Variants in C3orf49 observed in about 807,000 individuals in gnomAD.
C3orf49 encodes chromosome 3 open reading frame 49, also known as putative uncharacterized protein C3orf49.
In C3orf49, 27 loss-of-function variants were observed where a neutral mutation model predicts 13.3. The ratio of observed to expected loss-of-function variants is 2.02; its 90% CI spans 1.49 to 2.79. The LOEUF is 2.79. Among genes scored for constraint, C3orf49 ranks in the 30% most tolerant of loss-of-function variants. The pLI is 0.00. For missense variants in C3orf49, 242 were observed against 134.2 expected, an observed-to-expected ratio of 1.80 and a Z score of -3.97; for synonymous variants, 87 against 47.6, an observed-to-expected ratio of 1.83 and a Z score of -3.40.
At chr3:63,819,096 TTTG>T (rs142440061), upstream of C3orf49, among the ~76,000 whole-genome samples, 159 of 152,176 alleles carry the variant, frequency 1.0e-3, 1 homozygote, top group Middle Eastern at 0.01. Flanking sequence ...GTGGGTGTTT[TTTG>T]TTGTTGTTGT....
At chr3:63,794,424 A>G in the C3orf49 span, among the ~76,000 whole-genome samples, 1 of 152,106 alleles carries the variant, frequency 6.6e-6, no homozygotes, top group African/African-American at 2.4e-5. Flanking sequence ...AGAGCATGCT[A>G]TAATATTTCT....
chr3:63,800,489 A>T, the C3orf49 span, among the ~76,000 whole-genome samples: 231 of 152,174 alleles, frequency 1.5e-3, no homozygotes, highest in African/African-American at 5.2e-3. Context: ...AATAATAATA[A>T]TATACCATTT....
At chr3:63,834,724 T>C (rs1020916051) in intron 5 of C3orf49, among the ~76,000 whole-genome samples, 3 of 151,284 alleles carry the variant, frequency 2.0e-5, no homozygotes, top group Non-Finnish European at 4.4e-5. Flanking sequence ...GAAGATCAGG[T>C]AACACAAAAA....
chr3:63,797,270 ATG>A, the C3orf49 span, among the ~76,000 whole-genome samples: 2 of 151,800 alleles, frequency 1.3e-5, no homozygotes, highest in African/African-American at 4.8e-5. Flanking sequence ...GTCTAGGGGT[ATG>A]TGTGTGTATG....
intron 5 of C3orf49, chr3:63,836,316 C>T (rs1363347668): frequency 6.2e-7 from 1 of 1,612,642 alleles, no homozygotes; most frequent in Non-Finnish European, 8.5e-7. Context: ...TGTCTCATGC[C>T]TGTCTGGATG....
the C3orf49 span, among the ~76,000 whole-genome samples, chr3:63,803,039 C>T: frequency 1.3e-5 from 2 of 152,110 alleles, no homozygotes; most frequent in African/African-American, 4.8e-5. Flanking sequence ...AAGCTGGAAG[C>T]AAATTTAAGT....
the C3orf49 span, among the ~76,000 whole-genome samples, chr3:63,784,351 G>A: frequency 6.6e-6 from 1 of 151,986 alleles, no homozygotes; most frequent in African/African-American, 2.4e-5. Flanking sequence ...AGATACACCA[G>A]GCCAAAAAGA....
the C3orf49 span, among the ~76,000 whole-genome samples, chr3:63,787,959 T>A: frequency 6.6e-6 from 1 of 152,222 alleles, no homozygotes; most frequent in Non-Finnish European, 1.5e-5. Context: ...TCATGACTAT[T>A]TGCTTTTAGA....
chr3:63,845,117 A>T (rs1334429580), intron 6 of C3orf49, 35 bp downstream of exon 6: 1 of 681,854 alleles, frequency 1.5e-6, no homozygotes, highest in African/African-American at 1.8e-5. Flanking sequence ...GGTGGGGGGT[A>T]CTATCTCCTT....
At chr3:63,799,513 A>G in the C3orf49 span, among the ~76,000 whole-genome samples, 1 of 152,156 alleles carries the variant, frequency 6.6e-6, no homozygotes, top group Non-Finnish European at 1.5e-5. Context: ...AATGAAAGAC[A>G]CAATATTATT....
the C3orf49 span, among the ~76,000 whole-genome samples, chr3:63,805,723 C>T: frequency 6.6e-6 from 1 of 152,214 alleles, no homozygotes; most frequent in African/African-American, 2.4e-5. Flanking sequence ...CCTGCCTGAC[C>T]TTTGACCTGG....
the C3orf49 span, among the ~76,000 whole-genome samples, chr3:63,788,868 G>GT: frequency 6.6e-6 from 1 of 152,128 alleles, no homozygotes; most frequent in African/African-American, 2.4e-5. Context: ...GATATACTAT[G>GT]TCTAGTTCGG....
At chr3:63,826,142 T>C (rs1180382519) in intron 2 of C3orf49, among the ~76,000 whole-genome samples, 2 of 152,210 alleles carry the variant, frequency 1.3e-5, no homozygotes, top group Non-Finnish European at 2.9e-5. Flanking sequence ...GTGTCTGTCA[T>C]AGGACACATT....
At chr3:63,821,506 A>T (rs1701393568) in intron 1 of C3orf49, among the ~76,000 whole-genome samples, 1 of 152,188 alleles carries the variant, frequency 6.6e-6, no homozygotes, top group Non-Finnish European at 1.5e-5. Context: ...ATAAATGTTT[A>T]TAGCAGCTTT....
At chr3:63,834,797 C>T (rs1701595275) in intron 5 of C3orf49, among the ~76,000 whole-genome samples, 1 of 152,132 alleles carries the variant, frequency 6.6e-6, no homozygotes, top group Non-Finnish European at 1.5e-5. Flanking sequence ...ACCCACTACT[C>T]AGTGGGTATG....
the C3orf49 span, among the ~76,000 whole-genome samples, chr3:63,793,371 G>C: frequency 6.6e-6 from 1 of 151,952 alleles, no homozygotes; most frequent in Non-Finnish European, 1.5e-5. Flanking sequence ...CTTTCAATAT[G>C]TCCTCAAAAA....
the C3orf49 span, among the ~76,000 whole-genome samples, chr3:63,807,684 C>T: frequency 2.0e-5 from 3 of 151,728 alleles, no homozygotes; most frequent in South Asian, 2.1e-4. Context: ...TGGTGAAACC[C>T]TGTCTCTACT....
chr3:63,824,019 T>C (rs1469608648), intron 2 of C3orf49, among the ~76,000 whole-genome samples: 2 of 152,114 alleles, frequency 1.3e-5, no homozygotes, highest in Non-Finnish European at 2.9e-5. Flanking sequence ...CAGGCTGGTC[T>C]TGAACTCCTG....
At chr3:63,810,122 G>A in the C3orf49 span, among the ~76,000 whole-genome samples, 2 of 151,852 alleles carry the variant, frequency 1.3e-5, no homozygotes, top group East Asian at 1.9e-4. Context: ...ATCCAACCTG[G>A]GCGACAGAGC....
Sources: allele counts gnomAD v4.1 joint callset (sites outside exome capture counted in the v4.1 genomes callset), GRCh38; gene constraint gnomAD v4.1.1; transcripts MANE v1.5; gene names NCBI Gene and HGNC (gene_info 2026-07-23, HGNC 2026-07-21).